Variants in SLC25A12 observed in about 807,000 individuals in gnomAD.
SLC25A12 encodes solute carrier family 25 member 12.
In SLC25A12, 32 loss-of-function variants were observed where a neutral mutation model predicts 83.3. That is an observed-to-expected ratio of 0.38 (90% CI 0.29 to 0.52). The LOEUF is 0.52. Ranked by LOEUF, SLC25A12 falls within the 20% of genes least tolerant of loss-of-function variation. SLC25A12 has a pLI of 0.84. For missense variants in SLC25A12, 611 were observed against 835.6 expected, an observed-to-expected ratio of 0.73 and a Z score of 3.31; for synonymous variants, 267 against 291.1, an observed-to-expected ratio of 0.92 and a Z score of 0.84.
chr2:171,834,461 A>C (rs1010207502), intron 7 of SLC25A12: 1 of 500,210 alleles, frequency 2.0e-6, no homozygotes, highest in Admixed American at 3.3e-5. Context: ...TCCTAGTACA[A>C]ACAAGCTGCT....
chr2:171,878,907 G>A lies in SLC25A12; in HGVS notation c.67-10084C>T, dbSNP rs543896458. 9.2e-5 allele frequency among the ~76,000 whole-genome samples: 14 copies of A among 152,284 alleles called. No individual in the cohort carries two copies. In the East Asian group the frequency reaches 1.9e-3, roughly 21 times the overall value. ...TTCCAACAGAAGCCAAATTTAGTCA[G>A]GAATGCATGCCCTTTCACTACACAA... On this transcript the variant is annotated intron_variant, in intron 2 of 17. Transcript: ENST00000422440.
chr2:171,838,285 T>C (rs941519374), intron 5 of SLC25A12, among the ~76,000 whole-genome samples: 2 of 152,240 alleles, frequency 1.3e-5, no homozygotes, highest in Non-Finnish European at 2.9e-5. Flanking sequence ...TCATCATTTT[T>C]ATTTAATTAT....
intron 13 of SLC25A12, among the ~76,000 whole-genome samples, chr2:171,794,686 TAAATA>T (rs887010782): frequency 3.3e-5 from 5 of 151,998 alleles, no homozygotes; most frequent in Non-Finnish European, 7.4e-5. Flanking sequence ...TATATAAAAA[TAAATA>T]AAATATATAT....
At chr2:171,867,618 G>C (rs888958189) in intron 3 of SLC25A12, among the ~76,000 whole-genome samples, 26 of 152,188 alleles carry the variant, frequency 1.7e-4, no homozygotes, top group African/African-American at 5.8e-4. Context: ...CATGGAAAGA[G>C]AGGGAGAGGG....
chr2:171,815,264 A>T lies in SLC25A12; in HGVS notation c.931-62T>A, dbSNP rs1234382894. 22 of 1,121,132 alleles carry T rather than the reference A, an allele frequency of 2.0e-5. No homozygotes were observed. In the South Asian group the frequency reaches 2.5e-4, roughly 13 times the overall value. 69.4% of individuals were successfully genotyped at this position (1,121,132 alleles called of 1,614,324 possible). On this transcript the variant is annotated intron_variant, in intron 9 of 17. Coordinates refer to ENST00000422440, the MANE Select transcript of SLC25A12 (RefSeq NM_003705.5). ...AGCGCACACAGCAAGTGAAAAAGCT[A>T]CAATTTGACTATTTTAAGACAAGAA...
chr2:171,805,698 A>C (rs1273879150), intron 13 of SLC25A12, among the ~76,000 whole-genome samples: 1 of 152,248 alleles, frequency 6.6e-6, no homozygotes, highest in Non-Finnish European at 1.5e-5. Context: ...GCTACATCAA[A>C]AGCAATAATC....
At chr2:171,811,410 A>T (rs1382379723) in intron 11 of SLC25A12, among the ~76,000 whole-genome samples, 1 of 152,180 alleles carries the variant, frequency 6.6e-6, no homozygotes, top group Non-Finnish European at 1.5e-5. Context: ...TATTACTTTT[A>T]ATCTAACTCC....
chr2:171,848,228 T>C (rs999823811), intron 4 of SLC25A12: 1 of 471,008 alleles, frequency 2.1e-6, no homozygotes, highest in African/African-American at 2.0e-5. Flanking sequence ...GTTCCATGAA[T>C]GAGCCTGGAA....
chr2:171,799,970 C>T (rs1013313102), intron 13 of SLC25A12, among the ~76,000 whole-genome samples: 5 of 152,056 alleles, frequency 3.3e-5, no homozygotes, highest in Admixed American at 6.6e-5. Context: ...ATCTCTGATT[C>T]GAGTTTAACA....
At chr2:171,812,459 T>C (rs748299653) in intron 11 of SLC25A12, among the ~76,000 whole-genome samples, 5 of 152,166 alleles carry the variant, frequency 3.3e-5, no homozygotes, top group African/African-American at 1.2e-4. Flanking sequence ...ATAAATGGCA[T>C]GGACTTGAGC....
Position 171,828,427 on chromosome 2 carries a change from G to T in SLC25A12, c.846-1545C>A, listed in dbSNP as rs890827684. Among the ~76,000 whole-genome samples the T allele has an allele frequency of 2.0e-5, 3 of 152,178 alleles. No homozygotes were observed. The East Asian group carries it at 5.8e-4, about 29-fold the overall frequency. On this transcript the variant is annotated intron_variant, in intron 8 of 17. Coordinates refer to ENST00000422440, the MANE Select transcript of SLC25A12 (RefSeq NM_003705.5). ...TTGTAATGGCAAAGGATATCTCTTA[G>T]ATGTTTTGACTTCCCTTATCCTACT... is the stretch of plus-strand genomic sequence containing the variant.
intron 13 of SLC25A12, among the ~76,000 whole-genome samples, chr2:171,796,628 AC>A (rs1683602349): frequency 6.6e-6 from 1 of 151,804 alleles, no homozygotes; most frequent in Non-Finnish European, 1.5e-5. Flanking sequence ...ATGGAGCAAG[AC>A]CCCTATCTCT....
chr2:171,787,670 G>C lies in SLC25A12; in HGVS notation c.1745-9C>G. 6.2e-7 allele frequency: 1 copy of C among 1,613,482 alleles called. No homozygotes were observed. The highest frequency in any genetic ancestry group is 1.1e-5 in the South Asian group (1 of 91,066). The stretch of plus-strand genomic sequence containing the variant: ...GGATCGAAACACTCGAGCTGAAAAA[G>C]AGAAGCAGGGGCAGGGGAGACTTGA... On this transcript the variant is annotated splice_polypyrimidine_tract_variant and intron_variant, in intron 16 of 17. Transcript: ENST00000422440.
intron 4 of SLC25A12, among the ~76,000 whole-genome samples, chr2:171,846,779 C>T (rs903951202): frequency 1.3e-5 from 2 of 152,100 alleles, no homozygotes; most frequent in Admixed American, 1.3e-4. Flanking sequence ...GCACTCCAGC[C>T]TGGGTGACAG....
chr2:171,842,246 T>C (rs1684694278), intron 5 of SLC25A12, among the ~76,000 whole-genome samples: 1 of 151,436 alleles, frequency 6.6e-6, no homozygotes, highest in Admixed American at 6.6e-5. Context: ...ATGACATGGA[T>C]AATTCTTAAA....
intron 3 of SLC25A12, among the ~76,000 whole-genome samples, chr2:171,857,295 C>A (rs1348284959): frequency 6.6e-6 from 1 of 152,166 alleles, no homozygotes; most frequent in Non-Finnish European, 1.5e-5. Flanking sequence ...TGCTTGAGCC[C>A]AGGAAGTAGA....
chr2:171,804,128 T>TGAACATAAA (rs1558912254), intron 13 of SLC25A12, among the ~76,000 whole-genome samples: 3 of 152,186 alleles, frequency 2.0e-5, no homozygotes, highest in Non-Finnish European at 4.4e-5. Context: ...TATATCCATA[T>TGAACATAAA]ATTCAGCAAT....
rs184212595 is a variant in SLC25A12 at position 171,792,609 on chromosome 2, T to A, written c.1446+1018A>T. On this transcript the variant is annotated intron_variant, in intron 14 of 17. Coordinates refer to ENST00000422440, the MANE Select transcript of SLC25A12 (RefSeq NM_003705.5). ...CCAGTGCTCCCAGCCCTGGCTTTTT[T>A]AAAAAAAGACAAACTCAAACATTGA... Among the ~76,000 whole-genome samples, 876 of 150,394 alleles carry A rather than the reference T, an allele frequency of 5.8e-3. 4 individuals are homozygous for A. The highest frequency in any genetic ancestry group is 0.018 in the African/African-American group (742 of 40,890).
intron 4 of SLC25A12, among the ~76,000 whole-genome samples, chr2:171,849,169 G>A (rs1167727779): frequency 1.3e-5 from 2 of 152,060 alleles, no homozygotes; most frequent in African/African-American, 4.8e-5. Context: ...CACCCTGGGC[G>A]ACACAGCAAG....
Sources: allele counts gnomAD v4.1 joint callset (sites outside exome capture counted in the v4.1 genomes callset), GRCh38; gene constraint gnomAD v4.1.1; transcripts MANE v1.5; gene names NCBI Gene and HGNC (gene_info 2026-07-23, HGNC 2026-07-21).